Variants in MCTP2 observed in about 807,000 individuals in gnomAD.
The protein encoded by MCTP2 is multiple C2 and transmembrane domain containing 2.
In MCTP2, 132 loss-of-function variants were observed where a neutral mutation model predicts 111.6. The observed-to-expected ratio is 1.18, with a 90% CI of 1.03 to 1.37. MCTP2 has a LOEUF of 1.37. Among genes scored for constraint, MCTP2 ranks in the 40% most tolerant of loss-of-function variants. MCTP2 has a pLI of 0.00. For synonymous variants in MCTP2, 395 were observed against 387.7 expected, an observed-to-expected ratio of 1.02 and a Z score of -0.22; for missense variants, 1,183 against 1,067.9, an observed-to-expected ratio of 1.11 and a Z score of -1.50.
intron 19 of MCTP2, among the ~76,000 whole-genome samples, chr15:94,443,981 CAAAAAAAAAA>C (rs58768404): frequency 0.024 from 1,641 of 69,486 alleles, 22 homozygotes; most frequent in Admixed American, 0.038. Flanking sequence ...GATATTTTAC[CAAAAAAAAAA>C]AAAAAAAAAA....
At chr15:94,380,651 C>T (rs907012780) in intron 12 of MCTP2, among the ~76,000 whole-genome samples, 7 of 151,850 alleles carry the variant, frequency 4.6e-5, no homozygotes, top group Non-Finnish European at 7.4e-5. Flanking sequence ...GCCTATAATC[C>T]CAGCTACCTG....
chr15:94,416,453 T>A (rs976070331), intron 17 of MCTP2, among the ~76,000 whole-genome samples: 7 of 152,216 alleles, frequency 4.6e-5, no homozygotes, highest in Non-Finnish European at 1.0e-4. Context: ...CAGAAGAGCA[T>A]TTCTGTAGTC....
At chr15:94,232,569 C>T (rs1261172470) in intron 1 of MCTP2, among the ~76,000 whole-genome samples, 2 of 152,154 alleles carry the variant, frequency 1.3e-5, no homozygotes, top group Non-Finnish European at 2.9e-5. Context: ...TTCAATTCAA[C>T]AAATATTTAT....
At chr15:94,306,071 A>G (rs2075865616) in intron 2 of MCTP2, among the ~76,000 whole-genome samples, 1 of 152,242 alleles carries the variant, frequency 6.6e-6, no homozygotes, top group Admixed American at 6.5e-5. Flanking sequence ...AAAAATGACC[A>G]GCAATACCAA....
chr15:94,471,464 G>A (rs989540027), intron 21 of MCTP2, among the ~76,000 whole-genome samples: 1 of 152,290 alleles, frequency 6.6e-6, no homozygotes, highest in East Asian at 1.9e-4. Flanking sequence ...GTAGAATCCT[G>A]CTGTCAAGAA....
rs1369227655 is a variant in MCTP2, at chr15:94,483,383, A to G, written c.*4349A>G. On this transcript the variant is annotated 3_prime_UTR_variant, in exon 23 of 23. Transcript: ENST00000357742. ...TACCCAAAGGAATATAAATTGTTCT[A>G]CTATAAAAACACATGCACACACATG... 4 of 152,210 alleles carry G rather than the reference A, an allele frequency of 2.6e-5. 1 individual carries two copies. Among genetic ancestry groups the G allele is most frequent in the Admixed American group, 2.6e-4 (4 of 15,280 alleles). 9.4% of individuals were successfully genotyped at this position (152,210 alleles called of 1,614,324 possible).
chr15:94,360,630 AG>A, intron 10 of MCTP2, among the ~76,000 whole-genome samples: 1 of 152,202 alleles, frequency 6.6e-6, no homozygotes, highest in Non-Finnish European at 1.5e-5. Flanking sequence ...GCATTTCACA[AG>A]TCATTGTGCT....
At chr15:94,245,283 C>T (rs1433429901) in intron 1 of MCTP2, among the ~76,000 whole-genome samples, 1 of 137,524 alleles carries the variant, frequency 7.3e-6, no homozygotes, top group Non-Finnish European at 1.6e-5. Context: ...TACGTATATA[C>T]ACATATGTAT....
At chr15:94,462,094 C>T (rs1030347003) in intron 20 of MCTP2, among the ~76,000 whole-genome samples, 2 of 152,244 alleles carry the variant, frequency 1.3e-5, no homozygotes, top group South Asian at 4.2e-4. Flanking sequence ...GTCAGAGGAC[C>T]TCATTTGTCC....
chr15:94,285,611 T>C (rs978868508), intron 1 of MCTP2, among the ~76,000 whole-genome samples: 1 of 152,220 alleles, frequency 6.6e-6, no homozygotes, highest in Non-Finnish European at 1.5e-5. Flanking sequence ...CAGGGCAAGA[T>C]AGTAACTGTA....
chr15:94,318,780 A>G (rs543450208), intron 4 of MCTP2, among the ~76,000 whole-genome samples: 30 of 152,306 alleles, frequency 2.0e-4, no homozygotes, highest in African/African-American at 6.3e-4. Context: ...CGTTGCACAC[A>G]TCGGAAAATG....
chr15:94,382,642 A>G (rs951734962), intron 12 of MCTP2, among the ~76,000 whole-genome samples: 1 of 152,260 alleles, frequency 6.6e-6, no homozygotes, highest in African/African-American at 2.4e-5. Context: ...GCGCCTGGTT[A>G]TTAAGCGAAT....
At chr15:94,244,929 T>C (rs2071666656) in intron 1 of MCTP2, among the ~76,000 whole-genome samples, 3 of 143,924 alleles carry the variant, frequency 2.1e-5, no homozygotes, top group African/African-American at 7.7e-5. Context: ...TATACGTATA[T>C]GTATACACAT....
At chr15:94,371,466 T>C (rs2079480722) in intron 12 of MCTP2, among the ~76,000 whole-genome samples, 1 of 152,260 alleles carries the variant, frequency 6.6e-6, no homozygotes, top group South Asian at 2.1e-4. Flanking sequence ...AAAATTATTT[T>C]TAATTCCATG....
At chr15:94,457,912 C>G (rs929177217) in intron 19 of MCTP2, among the ~76,000 whole-genome samples, 1 of 152,082 alleles carries the variant, frequency 6.6e-6, no homozygotes, top group African/African-American at 2.4e-5. Context: ...CACCTCATGG[C>G]AATGAGGTAG....
intron 1 of MCTP2, among the ~76,000 whole-genome samples, chr15:94,272,846 T>C (rs1450645889): frequency 1.3e-5 from 2 of 152,176 alleles, no homozygotes; most frequent in African/African-American, 4.8e-5. Flanking sequence ...TATAAGGCTT[T>C]TATATTTTCT....
In MCTP2 at chr15:94,365,609, G is replaced by A. The variant is rs140464151; in HGVS notation, c.1302-1996G>A. On this transcript the variant is annotated intron_variant, in intron 10 of 22. Coordinates refer to ENST00000357742, the MANE Select transcript of MCTP2 (RefSeq NM_001385001.1). ...CAATTATGGTAATACTGCTCACAGC[G>A]TTACTAGAGTACTCTAGAATTAATA... Among the ~76,000 whole-genome samples the A allele has an allele frequency of 1.7e-3, 258 of 152,188 alleles. 2 individuals are homozygous for A. Among genetic ancestry groups the A allele is most frequent in the African/African-American group, 5.0e-3 (208 of 41,524 alleles).
intron 12 of MCTP2, among the ~76,000 whole-genome samples, chr15:94,374,821 A>G (rs922888444): frequency 6.6e-6 from 1 of 152,154 alleles, no homozygotes; most frequent in Admixed American, 6.5e-5. Context: ...TTAACTCACC[A>G]TGCCAAGAGT....
intron 10 of MCTP2, 21 bp from the exon 11 acceptor site, chr15:94,367,580 CTCTT>C (rs776295489): frequency 8.8e-6 from 14 of 1,590,374 alleles, no homozygotes; most frequent in Admixed American, 1.8e-5. Context: ...ACTTTTCTCT[CTCTT>C]GATTCCTGAA....
Sources: allele counts gnomAD v4.1 joint callset (sites outside exome capture counted in the v4.1 genomes callset), GRCh38; gene constraint gnomAD v4.1.1; transcripts MANE v1.5; gene names NCBI Gene and HGNC (gene_info 2026-07-23, HGNC 2026-07-21).